The following PRAMEF17 variants were observed in gnomAD, a reference collection of about 807,000 sequenced individuals.
PRAMEF17 encodes the protein PRAME family member 17.
Under a neutral mutation model 36.8 loss-of-function variants are expected in PRAMEF17, and 48 were observed. The ratio of observed to expected loss-of-function variants is 1.30; its 90% CI spans 1.03 to 1.66. PRAMEF17 has a LOEUF of 1.66. Among genes scored for constraint, PRAMEF17 ranks in the 40% most tolerant of loss-of-function variants. The pLI is 0.00. For missense variants in PRAMEF17, 639 were observed against 560.6 expected, an observed-to-expected ratio of 1.14 and a Z score of -1.41; for synonymous variants, 246 against 220.4, an observed-to-expected ratio of 1.12 and a Z score of -1.03.
At position 13,392,541 on chromosome 1, in the gene PRAMEF17, G is replaced by A. The variant is rs768772187; in HGVS notation, c.*39G>A. 30 of 1,611,512 alleles carry A rather than the reference G, an allele frequency of 1.9e-5. No homozygotes were observed. In the South Asian group the frequency reaches 3.3e-4, roughly 18 times the overall value. On this transcript the variant is annotated 3_prime_UTR_variant, in exon 3 of 3. Transcript: ENST00000376098. ...AGTGGGATGGATATGCTTTCTTCAG[G>A]ACCCTTAGGCACTAAAATCTAGGAC... is the stretch of plus-strand genomic sequence containing the variant.
At position 13,392,529 on chromosome 1, in the gene PRAMEF17, T is replaced by A. The variant is rs1640900477; in HGVS notation, c.*27T>A. 2 of 1,611,864 alleles carry A rather than the reference T, an allele frequency of 1.2e-6. No homozygotes were observed. Among genetic ancestry groups the A allele is most frequent in the East Asian group, 2.2e-5 (1 of 44,852 alleles). ...GAAGGCCTGATTAGTGGGATGGATA[T>A]GCTTTCTTCAGGACCCTTAGGCACT... is the stretch of plus-strand genomic sequence containing the variant. On this transcript the variant is annotated 3_prime_UTR_variant, in exon 3 of 3. Transcript: ENST00000376098.
intron 2 of PRAMEF17, 27 bp from the exon 3 acceptor site, chr1:13,391,917 C>A: frequency 6.2e-7 from 1 of 1,607,730 alleles, no homozygotes; most frequent in East Asian, 2.2e-5. Context: ...GCACCATTGC[C>A]CATAACTAAT....
rs1444676247 is a variant in PRAMEF17 at position 13,390,874 on chromosome 1, T to G, written c.821T>G (p.Ile274Arg). The G allele has an allele frequency of 6.2e-7, 1 of 1,612,044 alleles. No homozygotes were observed. Among genetic ancestry groups the G allele is most frequent in the Admixed American group, 1.7e-5 (1 of 60,012 alleles). ...CTGTACTACCCTCAGATGCTTTATATAAGAAAGATCAGTAATATCAAAGAG... is the reference window on the plus strand; with the variant it reads ...CTGTACTACCCTCAGATGCTTTATAGAAGAAAGATCAGTAATATCAAAGAG... The part of the protein sequence containing the change: ...LCLYYPQMLY[I>R]RKISNIKEHL... Residue 274 changes from isoleucine (I) to arginine (R), a missense_variant, in exon 2 of 3, where the codon ATA becomes AGA. By Grantham distance (97) the Ile-to-Arg change is moderately conservative. Transcript: ENST00000376098.
At chr1:13,391,701 G>A (rs1640882319) in intron 2 of PRAMEF17, among the ~76,000 whole-genome samples, 1 of 152,164 alleles carries the variant, frequency 6.6e-6, no homozygotes, top group Non-Finnish European at 1.5e-5. Flanking sequence ...CTAAAATGGA[G>A]CTGCCCCTGA....
chr1:13,390,698 G>A lies in PRAMEF17; in HGVS notation c.645G>A (p.Lys215=). 7.4e-6 allele frequency: 12 copies of A among 1,612,012 alleles called. No individual in the cohort carries two copies. The highest frequency in any genetic ancestry group is 1.3e-5 in the African/African-American group (1 of 74,988). Residue 215 remains lysine, a synonymous_variant, in exon 2 of 3, where the codon AAG becomes AAA. Coordinates refer to ENST00000376098, the MANE Select transcript of PRAMEF17 (RefSeq NM_001099851.3). ...DSIQELEIKR[K]CSLNKTGKFA... ...TCCAGGAGTTGGAAATTAAGAGAAA[G>A]TGCTCTCTGAATAAAACAGGAAAGT... is the stretch of plus-strand genomic sequence containing the variant.
chr1:13,392,295 G>A lies in PRAMEF17; in HGVS notation c.1218G>A (p.Lys406=). 1.2e-6 allele frequency: 2 copies of A among 1,611,998 alleles called. No individual in the cohort carries two copies. The highest frequency in any genetic ancestry group is 1.7e-6 in the Non-Finnish European group (2 of 1,179,864). Reference sequence around the variant, plus strand: ...TGTGTCACACAGGTGGGCTGAGCAAGTTAGGTCTGGAGTTGTATCCTGCCC... The same window carrying A: ...TGTGTCACACAGGTGGGCTGAGCAAATTAGGTCTGGAGTTGTATCCTGCCC... ...DLLCHTGGLS[K]LGLELYPAPL... is the part of the protein sequence containing the mutation. The change falls in exon 3 of 3, where the codon AAG becomes AAA. Residue 406 remains lysine (K), a synonymous_variant. Transcript: ENST00000376098.
Position 13,389,748 on chromosome 1 carries a change from C to G in PRAMEF17, c.91C>G (p.Leu31Val). ...CTTGACCATCTTCATCCTGGACGAG[C>G]TGCCCAGGGAGGTCTTCCCTCTGAT... ...QFLTIFILDE[L>V]PREVFPLMFM... The change falls in exon 1 of 3, where the codon CTG becomes GTG. Residue 31 changes from leucine (L) to valine (V), a missense_variant. Physicochemically the swap from Leu to Val is conservative, Grantham distance 32. Coordinates refer to ENST00000376098, the MANE Select transcript of PRAMEF17 (RefSeq NM_001099851.3). The G allele has an allele frequency of 6.2e-7, 1 of 1,612,386 alleles. No individual in the cohort carries two copies. The highest frequency in any genetic ancestry group is 2.2e-5 in the East Asian group (1 of 44,876).
In PRAMEF17 at chr1:13,392,386, C is replaced by G. The variant is rs1212533167; in HGVS notation, c.1309C>G (p.Leu437Val). 6.2e-7 allele frequency: 1 copy of G among 1,611,864 alleles called. No individual in the cohort carries two copies. Among genetic ancestry groups the G allele is most frequent in the Non-Finnish European group, 8.5e-7 (1 of 1,179,862 alleles). Residue 437 changes from leucine to valine, a missense_variant, in exon 3 of 3, where the codon CTG becomes GTG. Coordinates refer to ENST00000376098, the MANE Select transcript of PRAMEF17 (RefSeq NM_001099851.3). ...WEILAPIRAELMCTLREVRQP... is the reference protein window; with the variant it reads ...WEILAPIRAEVMCTLREVRQP... ...GATCCTCGCCCCAATTCGGGCTGAGCTGATGTGTACACTCAGGGAAGTCAG... is the reference window on the plus strand; with the variant it reads ...GATCCTCGCCCCAATTCGGGCTGAGGTGATGTGTACACTCAGGGAAGTCAG...
At chr1:13,390,203 G>A in intron 1 of PRAMEF17, 138 bp from the exon 2 acceptor site, 1 of 1,448,884 alleles carries the variant, frequency 6.9e-7, no homozygotes, top group South Asian at 1.3e-5. Flanking sequence ...ATCCAAGGGG[G>A]AGCGGGATGG....
In PRAMEF17 at chr1:13,392,565, A is replaced by G; in HGVS notation, c.*63A>G. 6.3e-7 allele frequency: 1 copy of G among 1,589,276 alleles called. No individual in the cohort carries two copies. Among genetic ancestry groups the G allele is most frequent in the East Asian group, 2.2e-5 (1 of 44,720 alleles). On this transcript the variant is annotated 3_prime_UTR_variant, in exon 3 of 3. Coordinates refer to ENST00000376098, the MANE Select transcript of PRAMEF17 (RefSeq NM_001099851.3). ...GGACCCTTAGGCACTAAAATCTAGG[A>G]CACAGGTGGGTTTTTTTGTTTTTTT... is the stretch of plus-strand genomic sequence containing the variant.
chr1:13,391,097 C>G (rs1237070713), intron 2 of PRAMEF17, among the ~76,000 whole-genome samples, 178 bp downstream of exon 2: 40 of 152,318 alleles, frequency 2.6e-4, no homozygotes, highest in African/African-American at 9.6e-4. Flanking sequence ...GTGGGTATCA[C>G]AAGCCCGCTC....
chr1:13,392,502 G>A lies in PRAMEF17; in HGVS notation c.1425G>A (p.Ter475=), dbSNP rs1357802148. Reference sequence around the variant, plus strand: ...AAGTGGACTTCCATCTTTGCTCTTAGTGAAGGCCTGATTAGTGGGATGGAT... The same window carrying A: ...AAGTGGACTTCCATCTTTGCTCTTAATGAAGGCCTGATTAGTGGGATGGAT... ...SEKVDFHLCS[*] is the part of the protein sequence containing the mutation. Residue 475 remains the stop codon, a stop_retained_variant, in exon 3 of 3, where the codon TAG becomes TAA. Transcript: ENST00000376098. The A allele has an allele frequency of 6.2e-7, 1 of 1,611,982 alleles. No individual in the cohort carries two copies. The highest frequency in any genetic ancestry group is 1.7e-5 in the Admixed American group (1 of 60,004).
intron 2 of PRAMEF17, among the ~76,000 whole-genome samples, chr1:13,391,302 C>T (rs1259172192): frequency 2.6e-5 from 4 of 151,880 alleles, no homozygotes; most frequent in Non-Finnish European, 4.4e-5. Context: ...ATCAAACCTG[C>T]GTGTTTCACA....
Position 13,390,422 on chromosome 1 carries a change from C to A in PRAMEF17, c.369C>A (p.Ser123=), listed in dbSNP as rs781278917. 2.2e-5 allele frequency: 35 copies of A among 1,611,986 alleles called. No homozygotes were observed. In the East Asian group the frequency reaches 7.4e-4, roughly 34 times the overall value. ...WTIWSGARAL[S]CSPEAMSKRQ... is the part of the protein sequence containing the mutation. ...TATGGTCTGGAGCCAGGGCCCTCTCCTGCTCCCCAGAGGCCATGAGTAAGA... is the reference window on the plus strand; with the variant it reads ...TATGGTCTGGAGCCAGGGCCCTCTCATGCTCCCCAGAGGCCATGAGTAAGA... The change falls in exon 2 of 3, where the codon TCC becomes TCA. Residue 123 remains serine, a synonymous_variant. Coordinates refer to ENST00000376098, the MANE Select transcript of PRAMEF17 (RefSeq NM_001099851.3).
chr1:13,392,139 C>G lies in PRAMEF17; in HGVS notation c.1062C>G (p.Leu354=). The change falls in exon 3 of 3, where the codon CTC becomes CTG. Residue 354 remains leucine (L), a synonymous_variant. Coordinates refer to ENST00000376098, the MANE Select transcript of PRAMEF17 (RefSeq NM_001099851.3). The part of the protein sequence containing the change: ...LEKVAATLEI[L]TLKDCQIQDS... ...AAGTTGCTGCTACTCTCGAGATCCT[C>G]ACGTTAAAGGACTGTCAGATCCAGG... is the stretch of plus-strand genomic sequence containing the variant. 6.2e-7 allele frequency: 1 copy of G among 1,611,970 alleles called. No individual in the cohort carries two copies. The highest frequency in any genetic ancestry group is 8.5e-7 in the Non-Finnish European group (1 of 1,179,848).
intron 2 of PRAMEF17, 120 bp from the exon 3 acceptor site, chr1:13,391,824 T>C: frequency 7.1e-7 from 1 of 1,415,008 alleles, no homozygotes; most frequent in Non-Finnish European, 9.8e-7. Flanking sequence ...CTACAACACC[T>C]GTGTGGTAGT....
Position 13,390,750 on chromosome 1 carries a change from A to C in PRAMEF17, c.697A>C (p.Asn233His). The C allele has an allele frequency of 6.2e-7, 1 of 1,612,046 alleles. No homozygotes were observed. The highest frequency in any genetic ancestry group is 1.1e-5 in the South Asian group (1 of 90,990). The change falls in exon 2 of 3, where the codon AAT (asparagine) becomes CAT (histidine). Residue 233 changes from asparagine (N) to histidine (H), a missense_variant. Coordinates refer to ENST00000376098, the MANE Select transcript of PRAMEF17 (RefSeq NM_001099851.3). ...KFAPYLSQMS[N>H]LRKLFLAFGY... is the part of the protein sequence containing the mutation. ...TGCCCCTTACTTGAGCCAGATGAGCAATCTTCGCAAACTCTTTTTAGCCTT... is the reference window on the plus strand; with the variant it reads ...TGCCCCTTACTTGAGCCAGATGAGCCATCTTCGCAAACTCTTTTTAGCCTT...
chr1:13,391,609 T>A (rs1204388194), intron 2 of PRAMEF17, among the ~76,000 whole-genome samples: 1 of 152,130 alleles, frequency 6.6e-6, no homozygotes, highest in African/African-American at 2.4e-5. Context: ...GCTGAGGTTG[T>A]CTCCTGAAAG....
chr1:13,392,198 G>T lies in PRAMEF17; in HGVS notation c.1121G>T (p.Ser374Ile), dbSNP rs552601975. 395 of 1,611,940 alleles carry T rather than the reference G, an allele frequency of 2.5e-4. No homozygotes were observed. In the African/African-American group the frequency reaches 4.7e-3, roughly 19 times the overall value. ...SQLRVLLPALSRCSQLTTFYF... is the reference protein window; with the variant it reads ...SQLRVLLPALIRCSQLTTFYF... Reference sequence around the variant, plus strand: ...CTCAGGGTCCTCCTGCCTGCCCTGAGCCGCTGCTCCCAGCTCACCACCTTC... The same window carrying T: ...CTCAGGGTCCTCCTGCCTGCCCTGATCCGCTGCTCCCAGCTCACCACCTTC... Residue 374 changes from serine to isoleucine, a missense_variant, in exon 3 of 3, where the codon AGC (serine) becomes ATC (isoleucine). Physicochemically the swap from Ser to Ile is moderately radical, Grantham distance 142 (BLOSUM62 -2). Transcript: ENST00000376098.
Sources: allele counts gnomAD v4.1 joint callset (sites outside exome capture counted in the v4.1 genomes callset), GRCh38; gene constraint gnomAD v4.1.1; transcripts MANE v1.5; gene names NCBI Gene and HGNC (gene_info 2026-07-23, HGNC 2026-07-21).